Variants in DEPDC5 observed in about 807,000 individuals in gnomAD.
The protein encoded by DEPDC5 is GATOR1 complex protein DEPDC5.
DEPDC5 carries 73 observed loss-of-function variants against 217.3 expected under a neutral mutation model. The observed-to-expected ratio is 0.34, with a 90% confidence interval of 0.28 to 0.41. The LOEUF (loss-of-function observed/expected upper bound fraction) is 0.41, where lower values mean the gene tolerates loss of function less well. DEPDC5 is among the 10% of genes least tolerant of loss of function. The pLI, the probability that DEPDC5 is intolerant of heterozygous loss-of-function variation, is 1.00. For synonymous variants in DEPDC5, 733 were observed against 756.7 expected (o/e 0.97, Z 0.51); for missense variants, 1,675 against 2,070.1 (o/e 0.81, Z 3.70).
Position 31,821,596 on chromosome 22 carries a change from T to G in DEPDC5, c.1965T>G (p.Ser655=), listed in dbSNP as rs767660000. 3 of 1,614,184 alleles carry G rather than the reference T, an allele frequency of 1.9e-6. No homozygotes were observed. The highest frequency in any genetic ancestry group is 2.5e-6 in the Non-Finnish European group (3 of 1,180,002). Residue 655 remains serine (S), a synonymous_variant, in exon 23 of 43, where the codon TCT becomes TCG. Transcript: ENST00000651528. The part of the protein sequence containing the change: ...GSGQRDPTHS[S]AELLELAYHE... Reference sequence around the variant, plus strand: ...GGCAGAGGGATCCAACTCACTCCTCTGCAGAGCTGCTGGAGTTAGCATATC... The same window carrying G: ...GGCAGAGGGATCCAACTCACTCCTCGGCAGAGCTGCTGGAGTTAGCATATC...
intron 38 of DEPDC5, among the ~76,000 whole-genome samples, chr22:31,887,419 C>CAAAAAAAAAAAAAAA (rs567430576): frequency 3.0e-5 from 2 of 65,674 alleles, no homozygotes; most frequent in Admixed American, 1.8e-4. Flanking sequence ...AACTCTGTCT[C>CAAAAAAAAAAAAAAA]AAAAAAAAAA....
chr22:31,872,386 C>G (rs1383386499), intron 34 of DEPDC5, among the ~76,000 whole-genome samples: 3 of 152,318 alleles, frequency 2.0e-5, no homozygotes, highest in African/African-American at 2.4e-5. Flanking sequence ...TGTGTCAGCC[C>G]TGTACATGTG....
At chr22:31,766,169 T>C (rs1179938772) in intron 5 of DEPDC5, among the ~76,000 whole-genome samples, 1 of 152,260 alleles carries the variant, frequency 6.6e-6, no homozygotes, top group Non-Finnish European at 1.5e-5. Context: ...TGTAAAACTT[T>C]CTATTAAAAT....
chr22:31,778,245 A>G (rs748408779), intron 8 of DEPDC5, 77 bp downstream of exon 8: 1 of 1,463,606 alleles, frequency 6.8e-7, no homozygotes, highest in South Asian at 1.1e-5. Context: ...AAAATAAAAC[A>G]AGGGCGGGGC....
At chr22:31,832,268 G>A (rs1045084807) in intron 24 of DEPDC5, among the ~76,000 whole-genome samples, 2 of 152,124 alleles carry the variant, frequency 1.3e-5, no homozygotes, top group Non-Finnish European at 2.9e-5. Flanking sequence ...GTTTTCGTAC[G>A]AACTTAAGTT....
At chr22:31,857,020 C>T (rs2092330023) in intron 31 of DEPDC5, among the ~76,000 whole-genome samples, 1 of 152,184 alleles carries the variant, frequency 6.6e-6, no homozygotes, top group African/African-American at 2.4e-5. Context: ...ATCCACCCAC[C>T]TTGGCTTACC....
At position 31,906,870 on chromosome 22, in the gene DEPDC5, T is replaced by C; in HGVS notation, c.*373T>C. 1 of 356,900 alleles carries C rather than the reference T, an allele frequency of 2.8e-6. No individual in the cohort carries two copies. The allele number at this position is 356,900 out of a possible 1,614,324, so 22.1% of individuals were successfully genotyped here. A position where few individuals can be genotyped will look rare whatever the true frequency, so the allele number is the denominator to read the frequency against. On this transcript the variant is annotated 3_prime_UTR_variant, in exon 43 of 43. Coordinates refer to ENST00000651528, the MANE Select transcript of DEPDC5 (RefSeq NM_001242896.3). The surrounding 1 kb of genome is among the most constrained non-coding windows in gnomAD (Gnocchi z 5.1). ...TAGCATCCTTTTCCTTCACCATCTA[T>C]GGGATATTAGGGGCAGAATCTGCCA...
intron 33 of DEPDC5, among the ~76,000 whole-genome samples, chr22:31,863,922 GA>G (rs11394299): frequency 1.3e-5 from 2 of 148,948 alleles, no homozygotes; most frequent in Non-Finnish European, 3.0e-5. Flanking sequence ...GACTCCATCT[GA>G]AAAAAAACAA....
intron 38 of DEPDC5, among the ~76,000 whole-genome samples, chr22:31,892,873 A>ATTT (rs948740613): frequency 2.2e-4 from 26 of 120,080 alleles, no homozygotes; most frequent in Non-Finnish European, 2.4e-4. Context: ...TTGGTGGTGT[A>ATTT]TTTTTTTTTT....
chr22:31,884,144 G>A (rs1473450255), intron 38 of DEPDC5, among the ~76,000 whole-genome samples: 1 of 152,092 alleles, frequency 6.6e-6, no homozygotes, highest in Non-Finnish European at 1.5e-5. Context: ...AACTGAAGCG[G>A]TCAGAAGAAA....
chr22:31,900,057 G>A (rs5998166), intron 40 of DEPDC5, among the ~76,000 whole-genome samples: 1 of 151,902 alleles, frequency 6.6e-6, no homozygotes, highest in South Asian at 2.1e-4. Context: ...CTTTATTTTA[G>A]TTTTTTTGAG....
Position 31,791,925 on chromosome 22 carries a change from C to CAAA in DEPDC5, c.625-84_625-82dup, listed in dbSNP as rs34494517. On this transcript the variant is annotated intron_variant, in intron 10 of 42. Transcript: ENST00000651528. ...CTGGTGGCAGAGTAAGACTCCGTCT[C>CAAA]AAAAAAAAAAAAAAAAAAAAAAAAA... 476 of 124,044 alleles carry CAAA rather than the reference C, an allele frequency of 3.8e-3. 6 individuals carry two copies. The highest frequency in any genetic ancestry group is 5.6e-3 in the African/African-American group (80 of 14,278). The allele number at this position is 124,044 out of a possible 1,614,324, so 7.7% of individuals were successfully genotyped here.
chr22:31,782,346 A>G (rs1166543682), intron 8 of DEPDC5, among the ~76,000 whole-genome samples: 1 of 152,096 alleles, frequency 6.6e-6, no homozygotes, highest in Admixed American at 6.6e-5. Flanking sequence ...CATGTTGGCC[A>G]GGCTGGTCTC....
At chr22:31,809,506 A>T in intron 18 of DEPDC5, 105 bp from the exon 19 acceptor site, 1 of 1,226,892 alleles carries the variant, frequency 8.2e-7, no homozygotes, top group Non-Finnish European at 1.2e-6. Context: ...CCTTTCTGTC[A>T]GTTACAGGCT....
intron 40 of DEPDC5, among the ~76,000 whole-genome samples, chr22:31,898,584 C>G (rs891472780): frequency 6.6e-6 from 1 of 152,164 alleles, no homozygotes; most frequent in African/African-American, 2.4e-5. Context: ...AAGTCTGTGT[C>G]GTGATCAGCG....
intron 13 of DEPDC5, among the ~76,000 whole-genome samples, chr22:31,797,951 G>A (rs2086445842): frequency 6.7e-6 from 1 of 150,014 alleles, no homozygotes; most frequent in South Asian, 2.1e-4. Context: ...TTGAGACAGA[G>A]TCTCACTCTG....
intron 34 of DEPDC5, among the ~76,000 whole-genome samples, chr22:31,871,712 G>A (rs1439329609): frequency 6.6e-6 from 1 of 152,210 alleles, no homozygotes; most frequent in African/African-American, 2.4e-5. Context: ...GCTTTCAGAA[G>A]AAATGAGGAA....
intron 34 of DEPDC5, among the ~76,000 whole-genome samples, chr22:31,871,198 G>A (rs764430149): frequency 1.3e-4 from 20 of 152,226 alleles, no homozygotes; most frequent in Non-Finnish European, 2.9e-4. Flanking sequence ...TCATTTGCTC[G>A]AGCAAGTGCA....
intron 18 of DEPDC5, among the ~76,000 whole-genome samples, chr22:31,806,920 G>A (rs921511511): frequency 6.6e-6 from 1 of 152,204 alleles, no homozygotes; most frequent in African/African-American, 2.4e-5. Flanking sequence ...GCTAAAACGG[G>A]AAGATTGCCC....
Sources: gnomAD v4.1 joint callset for allele counts (sites outside exome capture counted in the v4.1 genomes callset) on GRCh38, gnomAD v4.1.1 for gene constraint, Gnocchi (gnomAD v3.1) non-coding constraint, MANE v1.5 for transcripts, NCBI Gene and HGNC (gene_info 2026-07-23, HGNC 2026-07-21) for gene names.